BACH2: variants seen among roughly 807,000 people sequenced by gnomAD.
BACH2 encodes the protein transcription regulator protein BACH2.
BACH2 carries 5 observed loss-of-function variants against 61.8 expected under a neutral mutation model. The ratio of observed to expected loss-of-function variants is 0.08; its 90% CI spans 0.04 to 0.17. The LOEUF is 0.17. Among genes scored for constraint, BACH2 ranks in the 10% least tolerant of loss-of-function variants. BACH2 has a pLI of 1.00. For synonymous variants in BACH2, 446 were observed against 440.1 expected, an observed-to-expected ratio of 1.01 and a Z score of -0.17; for missense variants, 824 against 1,091.1, an observed-to-expected ratio of 0.76 and a Z score of 3.45.
At chr6:90,157,696 G>A (rs930552818) in intron 4 of BACH2, among the ~76,000 whole-genome samples, 5 of 152,140 alleles carry the variant, frequency 3.3e-5, no homozygotes, top group Non-Finnish European at 7.3e-5. Context: ...CCAGCTGCCC[G>A]AGCAGATGGC....
chr6:90,173,071 T>C (rs1767871158), intron 4 of BACH2, among the ~76,000 whole-genome samples: 1 of 151,006 alleles, frequency 6.6e-6, no homozygotes, highest in Non-Finnish European at 1.5e-5. Flanking sequence ...AAGAGAATGG[T>C]GTGTACAACT....
intron 4 of BACH2, among the ~76,000 whole-genome samples, chr6:90,196,831 CA>C (rs1768777237): frequency 6.6e-6 from 1 of 151,718 alleles, no homozygotes; most frequent in Non-Finnish European, 1.5e-5. Context: ...TAAGAAATTA[CA>C]AAACTATTCC....
At position 89,950,659 on chromosome 6, in the gene BACH2, C is replaced by A; in HGVS notation, c.1447G>T (p.Gly483Cys). ...GGCAAGTGGTCGGCCATCAGCCCACCGTGGGAGTAGGCCTGCGAGCTGGGG... is the reference window on the plus strand; with the variant it reads ...GGCAAGTGGTCGGCCATCAGCCCACAGTGGGAGTAGGCCTGCGAGCTGGGG... Reference protein sequence around the residue: ...SLPSSQAYSHGGLMADHLPGR... With the variant: ...SLPSSQAYSHCGLMADHLPGR... Residue 483 changes from glycine (G) to cysteine (C), a missense_variant, in exon 7 of 9, where the codon GGT (glycine) becomes TGT (cysteine). Coordinates refer to ENST00000257749, the MANE Select transcript of BACH2 (RefSeq NM_021813.4). This position sits in a 1 kb window ranked among gnomAD's most constrained non-coding sequence, Gnocchi z 5.3. The A allele has an allele frequency of 1.9e-6, 3 of 1,614,150 alleles. No individual in the cohort carries two copies. The highest frequency in any genetic ancestry group is 2.5e-6 in the Non-Finnish European group (3 of 1,180,024).
chr6:90,151,463 A>T (rs986085249), intron 4 of BACH2, among the ~76,000 whole-genome samples: 2 of 151,878 alleles, frequency 1.3e-5, no homozygotes, highest in East Asian at 3.9e-4. Flanking sequence ...TAAAAACTAA[A>T]TTTTTTTTGT....
intron 6 of BACH2, among the ~76,000 whole-genome samples, chr6:89,961,194 CAG>C (rs1185805688): frequency 1.3e-5 from 2 of 152,058 alleles, no homozygotes; most frequent in South Asian, 2.1e-4. Context: ...ACGGTGAAAA[CAG>C]AAAATCTCCC....
chr6:90,037,839 T>C lies in BACH2; in HGVS notation c.-12-28983A>G, dbSNP rs867860679. On this transcript the variant is annotated intron_variant, in intron 5 of 8. Transcript: ENST00000257749. ...GGCCTCTCATCCAATATCATGGGTG[T>C]CCTTTTAAAATGAACTCCATATGGA... Among the ~76,000 whole-genome samples the C allele has an allele frequency of 3.9e-5, 6 of 152,280 alleles. No homozygotes were observed. The South Asian group carries it at 6.2e-4, about 16-fold the overall frequency.
In BACH2 at chr6:90,049,426, C is replaced by A. The variant is rs115732714; in HGVS notation, c.-13+39535G>T. Reference sequence around the variant, plus strand: ...GATCTCAATGACGCGAAGAAGAGAGCCACAGGAGGGTCTCTGGCAATGAAT... The same window carrying A: ...GATCTCAATGACGCGAAGAAGAGAGACACAGGAGGGTCTCTGGCAATGAAT... On this transcript the variant is annotated intron_variant, in intron 5 of 8. Coordinates refer to ENST00000257749, the MANE Select transcript of BACH2 (RefSeq NM_021813.4). Among the ~76,000 whole-genome samples the A allele has an allele frequency of 3.0e-3, 457 of 152,226 alleles. 2 individuals carry two copies. The highest frequency in any genetic ancestry group is 9.7e-3 in the African/African-American group (402 of 41,538).
rs1774106778 is a variant in BACH2 at position 89,951,456 on chromosome 6, T to G, written c.650A>C (p.Lys217Thr). The G allele has an allele frequency of 6.2e-7, 1 of 1,614,224 alleles. No individual in the cohort carries two copies. Among genetic ancestry groups the G allele is most frequent in the Non-Finnish European group, 8.5e-7 (1 of 1,180,036 alleles). The change falls in exon 7 of 9, where the codon AAG becomes ACG. Residue 217 changes from lysine to threonine, a missense_variant. Physicochemically the swap from Lys to Thr is moderately conservative, Grantham distance 78 (BLOSUM62 -1). Around this residue, in one of 8 missense-constraint regions of BACH2, gnomAD observed 19 missense variants for 44.2 expected, o/e 0.43. Coordinates refer to ENST00000257749, the MANE Select transcript of BACH2 (RefSeq NM_021813.4). This position sits in a 1 kb window ranked among gnomAD's most constrained non-coding sequence, Gnocchi z 6.4. ...LPEPDVPTDT[K>T]ESSEKDALTQ... ...TAACGCGTCCTTTTCTGAGCTCTCC[T>G]TGGTGTCTGTGGGCACGTCAGGCTC...
rs1359599080 is a variant in BACH2 at position 90,008,867 on chromosome 6, G to C, written c.-12-11C>G. 6.2e-7 allele frequency: 1 copy of C among 1,609,570 alleles called. No homozygotes were observed. Among genetic ancestry groups the C allele is most frequent in the Admixed American group, 1.7e-5 (1 of 59,730 alleles). ...CATGCCGTTCACACCCTGAAAGAAA[G>C]AAAGAAACAAAGAAAGAAAGAAAGA... On this transcript the variant is annotated splice_polypyrimidine_tract_variant and intron_variant, in intron 5 of 8. Coordinates refer to ENST00000257749, the MANE Select transcript of BACH2 (RefSeq NM_021813.4). This position sits in a 1 kb window ranked among gnomAD's most constrained non-coding sequence, Gnocchi z 4.1.
chr6:90,012,684 T>C (rs1242970748), intron 5 of BACH2, among the ~76,000 whole-genome samples: 3 of 152,048 alleles, frequency 2.0e-5, no homozygotes, highest in Non-Finnish European at 4.4e-5. Flanking sequence ...AAAATTTTTT[T>C]TGGAGACAGT....
At chr6:90,100,719 A>ACACAGACACACACACC (rs1782585519) in intron 4 of BACH2, among the ~76,000 whole-genome samples, 1 of 142,622 alleles carries the variant, frequency 7.0e-6, no homozygotes. Context: ...ACACACACAC[A>ACACAGACACACACACC]CACACACAGA....
At chr6:90,028,546 G>C (rs1778761854) in intron 5 of BACH2, among the ~76,000 whole-genome samples, 1 of 152,214 alleles carries the variant, frequency 6.6e-6, no homozygotes, top group African/African-American at 2.4e-5. Flanking sequence ...TCTGGGGCCA[G>C]CCTGCCTGCA....
At chr6:90,128,432 T>C (rs1783952056) in intron 4 of BACH2, among the ~76,000 whole-genome samples, 1 of 152,090 alleles carries the variant, frequency 6.6e-6, no homozygotes, top group Non-Finnish European at 1.5e-5. Context: ...AATATAAAAA[T>C]TAGCTGGGTG....
rs537073443 is a variant in BACH2, at chr6:90,010,078, T to A, written c.-12-1222A>T. On this transcript the variant is annotated intron_variant, in intron 5 of 8. Transcript: ENST00000257749. The stretch of plus-strand genomic sequence containing the variant: ...CCAGTAGCGAGTCCTACTTTCTTTT[T>A]GGCTTTCTTATTTTTTTAAAACAGC... 4.6e-5 allele frequency among the ~76,000 whole-genome samples: 7 copies of A among 152,380 alleles called. No homozygotes were observed. In the East Asian group the frequency reaches 1.3e-3, roughly 29 times the overall value.
chr6:90,247,436 C>G (rs1300629195), intron 3 of BACH2, among the ~76,000 whole-genome samples: 1 of 151,468 alleles, frequency 6.6e-6, no homozygotes, highest in Non-Finnish European at 1.5e-5. Context: ...GCTATGTTGC[C>G]CAGGCTGGTC....
intron 5 of BACH2, among the ~76,000 whole-genome samples, chr6:90,026,483 G>T (rs1234841646): frequency 6.6e-6 from 1 of 152,084 alleles, no homozygotes; most frequent in Non-Finnish European, 1.5e-5. Context: ...CCCAGGCCAG[G>T]TATTGCTTAT....
chr6:90,269,729 T>A (rs892306634), intron 2 of BACH2, among the ~76,000 whole-genome samples: 2 of 152,212 alleles, frequency 1.3e-5, no homozygotes, highest in Admixed American at 1.3e-4. Flanking sequence ...GTGGCAGTGC[T>A]ATATTGTTTG....
At chr6:89,968,590 G>A (rs1313547131) in intron 6 of BACH2, among the ~76,000 whole-genome samples, 1 of 152,186 alleles carries the variant, frequency 6.6e-6, no homozygotes, top group Non-Finnish European at 1.5e-5. Flanking sequence ...AAAGCCATAA[G>A]TATTTTGTGT....
At chr6:90,197,957 T>C (rs936107785) in intron 4 of BACH2, among the ~76,000 whole-genome samples, 5 of 152,188 alleles carry the variant, frequency 3.3e-5, no homozygotes, top group African/African-American at 1.2e-4. Context: ...TTCCTACAAA[T>C]GAAACCTGTT....
Sources: allele counts gnomAD v4.1 joint callset (sites outside exome capture counted in the v4.1 genomes callset), GRCh38; gene constraint gnomAD v4.1.1; regional missense constraint gnomAD v4.1.1; non-coding constraint Gnocchi (gnomAD v3.1); transcripts MANE v1.5; gene names NCBI Gene and HGNC (gene_info 2026-07-23, HGNC 2026-07-21).